GNA12: variants seen among roughly 807,000 people sequenced by gnomAD.
GNA12 encodes guanine nucleotide-binding protein subunit alpha-12.
GNA12 carries 9 observed loss-of-function variants against 26.0 expected under a neutral mutation model. The observed-to-expected ratio is 0.35, with a 90% CI of 0.21 to 0.60. The LOEUF is 0.60. GNA12 is among the 20% of genes least tolerant of loss of function. GNA12 has a pLI of 0.78. For synonymous variants in GNA12, 264 were observed against 219.6 expected (o/e 1.20, Z -1.79); for missense variants, 405 against 525.8 (o/e 0.77, Z 2.25).
chr7:2,814,880 A>G (rs1793178790), intron 1 of GNA12: 10 of 1,602,624 alleles, frequency 6.2e-6, no homozygotes, highest in Non-Finnish European at 8.5e-6. Flanking sequence ...CACTCACACG[A>G]CTGCCAGGCA....
intron 2 of GNA12, among the ~76,000 whole-genome samples, chr7:2,757,069 T>C (rs922635184): frequency 6.6e-6 from 1 of 151,094 alleles, no homozygotes; most frequent in Non-Finnish European, 1.5e-5. Flanking sequence ...AGCGATACTC[T>C]GTCCCAAGGC....
intron 1 of GNA12, among the ~76,000 whole-genome samples, chr7:2,796,575 T>C (rs779778823): frequency 2.6e-5 from 4 of 152,164 alleles, no homozygotes; most frequent in African/African-American, 4.8e-5. Context: ...TCAGCAGTCA[T>C]GAGACAGGAA....
intron 1 of GNA12, among the ~76,000 whole-genome samples, chr7:2,843,004 G>A (rs562883835): frequency 3.0e-4 from 46 of 152,282 alleles, no homozygotes; most frequent in Admixed American, 2.4e-3. Flanking sequence ...TGAAGTTTTC[G>A]TATTAGAAAG....
chr7:2,819,159 G>A (rs903956646), intron 1 of GNA12, among the ~76,000 whole-genome samples: 1 of 152,084 alleles, frequency 6.6e-6, no homozygotes, highest in African/African-American at 2.4e-5. Context: ...TGAGTTGCAG[G>A]GGCTGCAAGC....
intron 2 of GNA12, among the ~76,000 whole-genome samples, chr7:2,793,331 C>T (rs1025040527): frequency 6.9e-6 from 1 of 145,190 alleles, no homozygotes; most frequent in Non-Finnish European, 1.5e-5. Flanking sequence ...GCGGACAGGA[C>T]GCGAGAGGAA....
intron 2 of GNA12, among the ~76,000 whole-genome samples, chr7:2,763,652 G>T (rs1040409003): frequency 2.0e-5 from 3 of 152,236 alleles, no homozygotes; most frequent in African/African-American, 7.2e-5. Flanking sequence ...ACTTCCCAAG[G>T]ACAAGCATCT....
chr7:2,732,581 C>T lies in GNA12; in HGVS notation c.577-831G>A, dbSNP rs115109631. Among the ~76,000 whole-genome samples, 199 of 152,218 alleles carry T rather than the reference C, an allele frequency of 1.3e-3. 2 individuals are homozygous for T. The highest frequency in any genetic ancestry group is 4.4e-3 in the African/African-American group (184 of 41,532). On this transcript the variant is annotated intron_variant, in intron 3 of 3. Coordinates refer to ENST00000275364, the MANE Select transcript of GNA12 (RefSeq NM_007353.3). ...AAAACAAAACAGAACAAAAAACCAA[C>T]AAAACACCTCCCGTGATGAGTGCAC...
chr7:2,798,680 G>A (rs1046468749), intron 1 of GNA12, among the ~76,000 whole-genome samples: 1 of 152,254 alleles, frequency 6.6e-6, no homozygotes, highest in African/African-American at 2.4e-5. Context: ...ATATGAAAAA[G>A]CATTAAATTA....
At chr7:2,737,329 C>T (rs1403003109) in intron 2 of GNA12, among the ~76,000 whole-genome samples, 1 of 125,136 alleles carries the variant, frequency 8.0e-6, no homozygotes, top group Non-Finnish European at 1.6e-5. Flanking sequence ...CGCCCTGTCG[C>T]CCCGGCTGGA....
rs1023619453 is a variant in GNA12, at chr7:2,755,710, T to C, written c.526-22209A>G. On this transcript the variant is annotated intron_variant, in intron 2 of 3. Coordinates refer to ENST00000275364, the MANE Select transcript of GNA12 (RefSeq NM_007353.3). ...CAGTCATATTTCTTTTTCTCTGATA[T>C]GTCTACCCTGCATTTCCTTTTCTTG... 1.3e-5 allele frequency among the ~76,000 whole-genome samples: 2 copies of C among 152,368 alleles called. 1 individual carries two copies. The highest frequency in any genetic ancestry group is 3.8e-4 in the East Asian group (2 of 5,196).
chr7:2,782,185 A>T (rs1353496073), intron 2 of GNA12, among the ~76,000 whole-genome samples: 2 of 152,246 alleles, frequency 1.3e-5, no homozygotes, highest in East Asian at 3.8e-4. Context: ...ATAGAAAATA[A>T]CTTAAACATA....
At chr7:2,800,997 G>A (rs573509637) in intron 1 of GNA12, among the ~76,000 whole-genome samples, 4 of 152,092 alleles carry the variant, frequency 2.6e-5, no homozygotes, top group East Asian at 1.9e-4. Context: ...AAACTATCTC[G>A]GCACGGAGAA....
chr7:2,750,356 C>A (rs1458226982), intron 2 of GNA12, among the ~76,000 whole-genome samples: 1 of 152,184 alleles, frequency 6.6e-6, no homozygotes, highest in African/African-American at 2.4e-5. Context: ...CCAGAGCCTG[C>A]AACTGATAGG....
chr7:2,782,120 G>T (rs765463395), intron 2 of GNA12, among the ~76,000 whole-genome samples: 2 of 152,082 alleles, frequency 1.3e-5, no homozygotes, highest in Non-Finnish European at 2.9e-5. Flanking sequence ...AATGGATTTG[G>T]ACCCCTACCT....
intron 2 of GNA12, among the ~76,000 whole-genome samples, chr7:2,765,578 CAGCAAG>C (rs1791769114): frequency 6.6e-6 from 1 of 151,924 alleles, no homozygotes; most frequent in South Asian, 2.1e-4. Context: ...TAAAGAAAAC[CAGCAAG>C]ACGAGGTAGG....
At chr7:2,833,690 A>C (rs1036460761) in intron 1 of GNA12, among the ~76,000 whole-genome samples, 1 of 152,186 alleles carries the variant, frequency 6.6e-6, no homozygotes, top group Non-Finnish European at 1.5e-5. Flanking sequence ...GTCAAAGCAT[A>C]AGGTAAACCT....
chr7:2,765,213 T>C (rs1791753862), intron 2 of GNA12: 1 of 151,542 alleles, frequency 6.6e-6, no homozygotes, highest in Admixed American at 6.6e-5. Context: ...GGTGGCGCAA[T>C]CTCGGCTCAC....
At chr7:2,794,242 G>C (rs1792592936) in intron 2 of GNA12, among the ~76,000 whole-genome samples, 1 of 152,158 alleles carries the variant, frequency 6.6e-6, no homozygotes, top group Admixed American at 6.5e-5. Flanking sequence ...GGTGCTAAGG[G>C]GGCAAACGGC....
At chr7:2,768,666 T>TAAAAAAAAAAAAA (rs924965749) in intron 2 of GNA12, among the ~76,000 whole-genome samples, 46 of 91,802 alleles carry the variant, frequency 5.0e-4, no homozygotes, top group African/African-American at 8.9e-4. Context: ...GCTCTCAAGG[T>TAAAAAAAAAAAAA]AAAAAAAAAA....
Sources: allele counts gnomAD v4.1 joint callset (sites outside exome capture counted in the v4.1 genomes callset), GRCh38; gene constraint gnomAD v4.1.1; transcripts MANE v1.5; gene names NCBI Gene and HGNC (gene_info 2026-07-23, HGNC 2026-07-21).